Variants in DPY30 observed in about 807,000 individuals in gnomAD.
DPY30 encodes the protein protein dpy-30 homolog.
A neutral mutation model predicts 16.2 loss-of-function variants in DPY30; 6 were observed. The observed-to-expected ratio is 0.37, with a 90% CI of 0.20 to 0.73. The LOEUF (loss-of-function observed/expected upper bound fraction) is 0.73. Among genes scored for constraint, DPY30 ranks in the 30% least tolerant of loss-of-function variants. The pLI is 0.51. For synonymous variants in DPY30, 39 were observed against 38.8 expected (o/e 1.00, Z -0.02); for missense variants, 73 against 113.1 (o/e 0.65, Z 1.61).
chr2:32,022,046 C>G (rs1002729780), downstream of DPY30, among the ~76,000 whole-genome samples: 1 of 151,960 alleles, frequency 6.6e-6, no homozygotes, highest in Admixed American at 6.6e-5. Flanking sequence ...CCCGTCTCTA[C>G]TAAAAATACA....
At chr2:32,035,736 C>G (rs966408137) in intron 3 of DPY30, among the ~76,000 whole-genome samples, 3 of 151,674 alleles carry the variant, frequency 2.0e-5, no homozygotes, top group Non-Finnish European at 2.9e-5. Context: ...CAGTTTGAGA[C>G]CAGCCTGACA....
intron 3 of DPY30, 151 bp from the exon 4 acceptor site, chr2:32,029,887 T>C: frequency 1.3e-6 from 1 of 768,872 alleles, no homozygotes; most frequent in Non-Finnish European, 2.1e-6. Context: ...CTGCCCAAAA[T>C]AAATTCAGAC....
chr2:32,025,779 A>C (rs2148657678), intron 4 of DPY30, among the ~76,000 whole-genome samples: 1 of 150,876 alleles, frequency 6.6e-6, no homozygotes, highest in Middle Eastern at 3.5e-3. Flanking sequence ...AAAAAAAAAA[A>C]AAACCGTACT....
chr2:32,022,945 G>A (rs1010029339), downstream of DPY30, among the ~76,000 whole-genome samples: 1 of 152,174 alleles, frequency 6.6e-6, no homozygotes, highest in African/African-American at 2.4e-5. Flanking sequence ...AATTCTTGGG[G>A]AGGGAGAAGA....
At chr2:32,023,760 A>G (rs1190381406), downstream of DPY30, 4 of 1,304,782 alleles carry the variant, frequency 3.1e-6, no homozygotes, top group Admixed American at 9.2e-5. Context: ...AATTGGCTGA[A>G]TTTTTTAAAT....
chr2:32,028,145 C>G (rs1206449291), intron 4 of DPY30, among the ~76,000 whole-genome samples: 1 of 144,792 alleles, frequency 6.9e-6, no homozygotes, highest in Non-Finnish European at 1.5e-5. Flanking sequence ...GGGTCTCACT[C>G]TGTCACCCAG....
intron 3 of DPY30, among the ~76,000 whole-genome samples, chr2:32,037,280 G>A (rs1360804725): frequency 1.3e-5 from 2 of 151,980 alleles, no homozygotes; most frequent in African/African-American, 2.4e-5. Flanking sequence ...TCCTTTTTTT[G>A]TATTGTTTAC....
intron 5 of DPY30, chr2:32,013,419 A>G (rs72796848): frequency 1.3e-5 from 2 of 152,344 alleles, no homozygotes; most frequent in South Asian, 2.1e-4. Flanking sequence ...ACGTGCCACA[A>G]TTATTCCCCC....
At chr2:32,029,858 T>G in intron 3 of DPY30, 122 bp from the exon 4 acceptor site, 1 of 1,033,288 alleles carries the variant, frequency 9.7e-7, no homozygotes, top group Non-Finnish European at 1.4e-6. Context: ...AGAAAGATGG[T>G]ACTAGACCAC....
At chr2:32,021,555 G>A (rs1675180670), downstream of DPY30, among the ~76,000 whole-genome samples, 1 of 150,968 alleles carries the variant, frequency 6.6e-6, no homozygotes, top group Non-Finnish European at 1.5e-5. Flanking sequence ...GCACACACCT[G>A]TAATCCCAGC....
intron 4 of DPY30, among the ~76,000 whole-genome samples, chr2:32,028,789 C>G (rs931661971): frequency 5.9e-5 from 9 of 151,700 alleles, no homozygotes; most frequent in Non-Finnish European, 8.8e-5. Flanking sequence ...GACTCCAAAC[C>G]CTGTTTCTAC....
chr2:32,029,855 T>C, intron 3 of DPY30, 119 bp from the exon 4 acceptor site: 1 of 1,126,022 alleles, frequency 8.9e-7, no homozygotes, highest in Non-Finnish European at 1.3e-6. Flanking sequence ...ACTAGAAAGA[T>C]GGTACTAGAC....
chr2:32,015,346 C>T (rs940473434), intron 5 of DPY30, among the ~76,000 whole-genome samples: 2 of 152,002 alleles, frequency 1.3e-5, no homozygotes, highest in African/African-American at 2.4e-5. Context: ...TCAACTTTGC[C>T]CCTGTCTACC....
At chr2:32,029,047 A>AGATCACTTGAGGTTAG (rs1675437505) in intron 4 of DPY30, among the ~76,000 whole-genome samples, 1 of 152,064 alleles carries the variant, frequency 6.6e-6, no homozygotes, top group Admixed American at 6.6e-5. Context: ...TGAGGCGGGC[A>AGATCACTTGAGGTTAG]GATCACTTGA....
chr2:32,029,199 G>C (rs1403147765), intron 4 of DPY30, among the ~76,000 whole-genome samples: 1 of 152,272 alleles, frequency 6.6e-6, no homozygotes, highest in Non-Finnish European at 1.5e-5. Flanking sequence ...TTGAAACCAG[G>C]AGGTAGAGGT....
chr2:32,036,144 C>T (rs1164478862), intron 3 of DPY30, among the ~76,000 whole-genome samples: 1 of 126,304 alleles, frequency 7.9e-6, no homozygotes, highest in African/African-American at 2.9e-5. Context: ...ACCACCATAC[C>T]CAGCTAATTT....
intron 3 of DPY30, among the ~76,000 whole-genome samples, chr2:32,032,635 G>C (rs1374328014): frequency 6.6e-6 from 1 of 152,186 alleles, no homozygotes; most frequent in Non-Finnish European, 1.5e-5. Context: ...CAAGGCAGGA[G>C]GACTGCTTGA....
downstream of DPY30, among the ~76,000 whole-genome samples, chr2:32,020,079 C>T (rs1481012102): frequency 6.7e-6 from 1 of 149,708 alleles, no homozygotes; most frequent in South Asian, 2.1e-4. Flanking sequence ...ACTAGCCGGG[C>T]GTGGTGGTGT....
chr2:32,038,422 C>T (rs974264553), intron 3 of DPY30, among the ~76,000 whole-genome samples: 3 of 20,904 alleles, frequency 1.4e-4, no homozygotes, highest in Admixed American at 6.6e-4. Context: ...GGGGGGGGGG[C>T]GGGGGGAGGG....
Sources: allele counts gnomAD v4.1 joint callset (sites outside exome capture counted in the v4.1 genomes callset), GRCh38; gene constraint gnomAD v4.1.1; transcripts MANE v1.5; gene names NCBI Gene and HGNC (gene_info 2026-07-23, HGNC 2026-07-21).